RAI1: variants seen among roughly 807,000 people sequenced by gnomAD.
RAI1 encodes the protein retinoic acid induced 1, also known as retinoic acid-induced protein 1.
Under a neutral mutation model 123.8 loss-of-function variants are expected in RAI1, and 9 were observed. The ratio of observed to expected loss-of-function variants is 0.07; its 90% CI spans 0.04 to 0.13. The LOEUF (loss-of-function observed/expected upper bound fraction) is 0.13, where lower values mean the gene tolerates loss of function less well. RAI1 is among the 10% of genes least tolerant of loss of function. The pLI, the probability that RAI1 is intolerant of heterozygous loss-of-function variation, is 1.00. For synonymous variants in RAI1, 1,231 were observed against 1,127.3 expected (o/e 1.09, Z -1.84); for missense variants, 2,256 against 2,545.8 (o/e 0.89, Z 2.45).
intron 1 of RAI1, among the ~76,000 whole-genome samples, chr17:17,715,135 C>T (rs906897328): frequency 2.0e-5 from 3 of 152,228 alleles, no homozygotes; most frequent in South Asian, 2.1e-4. Flanking sequence ...GATGGCTTTC[C>T]TGGCTTAAGG....
intron 4 of RAI1, chr17:17,804,225 CAG>C: frequency 3.0e-6 from 1 of 333,560 alleles, no homozygotes; most frequent in Non-Finnish European, 5.8e-6. Flanking sequence ...GTTCACTCAG[CAG>C]AGACAAGGGG....
intron 2 of RAI1, among the ~76,000 whole-genome samples, chr17:17,733,198 A>G (rs1916323092): frequency 6.6e-6 from 1 of 151,996 alleles, no homozygotes; most frequent in African/African-American, 2.4e-5. Context: ...GCTTTCCCTG[A>G]TCCGAGGCAG....
Position 17,797,939 on chromosome 17 carries a change from T to C in RAI1, c.4991T>C (p.Leu1664Ser). 2.5e-6 allele frequency: 4 copies of C among 1,613,972 alleles called. No homozygotes were observed. Among genetic ancestry groups the C allele is most frequent in the Non-Finnish European group, 3.4e-6 (4 of 1,180,004 alleles). ...GGSILQPRPS[L>S]PLSSTMHLGP... ...TCCATCCTGCAGCCGCGGCCCTCCTTGCCCCTCTCCTCCACGATGCACTTG... is the reference window on the plus strand; with the variant it reads ...TCCATCCTGCAGCCGCGGCCCTCCTCGCCCCTCTCCTCCACGATGCACTTG... The change falls in exon 3 of 6, where the codon TTG (leucine) becomes TCG (serine). Residue 1664 changes from leucine to serine, a missense_variant. Physicochemically the swap from Leu to Ser is moderately radical, Grantham distance 145. Transcript: ENST00000353383.
intron 2 of RAI1, among the ~76,000 whole-genome samples, chr17:17,744,394 A>G (rs1567866466): frequency 6.6e-6 from 1 of 152,200 alleles, no homozygotes; most frequent in East Asian, 1.9e-4. Flanking sequence ...CCCACACAGA[A>G]CTGGTTCACA....
At chr17:17,709,167 C>T (rs770697743) in intron 1 of RAI1, among the ~76,000 whole-genome samples, 5 of 152,150 alleles carry the variant, frequency 3.3e-5, no homozygotes, top group African/African-American at 4.8e-5. Context: ...CCTAGTGTGC[C>T]GGGCACTGTG....
chr17:17,719,884 C>T (rs183542169), intron 1 of RAI1, among the ~76,000 whole-genome samples: 4 of 152,292 alleles, frequency 2.6e-5, no homozygotes, highest in Non-Finnish European at 1.5e-5. Context: ...AGTTGCTGCC[C>T]CACTACTCAA....
At chr17:17,726,345 G>T (rs1354157788) in intron 2 of RAI1, among the ~76,000 whole-genome samples, 2 of 152,196 alleles carry the variant, frequency 1.3e-5, no homozygotes, top group African/African-American at 4.8e-5. Context: ...GTGGGTGTCT[G>T]ACCCATAGGT....
chr17:17,804,840 T>TTTTA (rs575206893), intron 4 of RAI1, among the ~76,000 whole-genome samples: 8,534 of 149,392 alleles, frequency 0.057, 350 homozygotes, highest in African/African-American at 0.11. Flanking sequence ...GTGTTTTTAT[T>TTTTA]TTTATTTATT....
chr17:17,737,656 C>T (rs971726966), intron 2 of RAI1, among the ~76,000 whole-genome samples: 4 of 152,200 alleles, frequency 2.6e-5, no homozygotes, highest in Admixed American at 6.5e-5. Flanking sequence ...TCCAGTCCCC[C>T]GCCCCATATC....
Position 17,811,018 on chromosome 17 carries a change from C to G in RAI1, c.*1037C>G, listed in dbSNP as rs530844746. 6.4e-6 allele frequency: 2 copies of G among 314,824 alleles called. No individual in the cohort carries two copies. The highest frequency in any genetic ancestry group is 1.3e-5 in the Non-Finnish European group (2 of 157,222). The allele number at this position is 314,824 out of a possible 1,614,324, so 19.5% of individuals were successfully genotyped here. A position where few individuals can be genotyped will look rare whatever the true frequency, so the allele number is the denominator to read the frequency against. On this transcript the variant is annotated 3_prime_UTR_variant, in exon 6 of 6. Coordinates refer to ENST00000353383, the MANE Select transcript of RAI1 (RefSeq NM_030665.4). The stretch of plus-strand genomic sequence containing the variant: ...AACAGAGCCCCAACCGGGCCTTTGC[C>G]GGGTAAGGGGCTACCGCGACGCCAC...
At chr17:17,687,672 C>A (rs80035962) in intron 1 of RAI1, among the ~76,000 whole-genome samples, 1,715 of 152,248 alleles carry the variant, frequency 0.011, 37 homozygotes, top group African/African-American at 0.04. Flanking sequence ...TCGGGCAAGT[C>A]ACTTTCCCTC....
At chr17:17,702,709 T>G (rs1915264496) in intron 1 of RAI1, among the ~76,000 whole-genome samples, 2 of 152,204 alleles carry the variant, frequency 1.3e-5, no homozygotes, top group South Asian at 4.1e-4. Flanking sequence ...CACAGGGGTT[T>G]AGCACCTCCC....
At chr17:17,723,119 A>G (rs1430292004) in intron 1 of RAI1, among the ~76,000 whole-genome samples, 3 of 152,220 alleles carry the variant, frequency 2.0e-5, no homozygotes, top group Middle Eastern at 3.4e-3. Context: ...CCCACTCGCA[A>G]ACAGGCCCAC....
chr17:17,759,803 A>C (rs780813470), intron 2 of RAI1, among the ~76,000 whole-genome samples: 4 of 152,206 alleles, frequency 2.6e-5, no homozygotes, highest in Non-Finnish European at 4.4e-5. Flanking sequence ...TGCTGAATGC[A>C]GAGCTGTGAA....
At chr17:17,766,520 G>A (rs906179741) in intron 2 of RAI1, among the ~76,000 whole-genome samples, 12 of 152,238 alleles carry the variant, frequency 7.9e-5, no homozygotes, top group Non-Finnish European at 1.8e-4. Context: ...TCTCTGGGCA[G>A]GAGGTGGCTC....
chr17:17,765,861 T>C (rs2030906744), intron 2 of RAI1: 1 of 152,258 alleles, frequency 6.6e-6, no homozygotes, highest in Non-Finnish European at 1.5e-5. Flanking sequence ...AAGCCAAGCA[T>C]GGGTAATCCT....
intron 4 of RAI1, among the ~76,000 whole-genome samples, chr17:17,807,751 C>T (rs969841503): frequency 9.2e-5 from 14 of 152,228 alleles, no homozygotes; most frequent in African/African-American, 2.7e-4. Context: ...GCTACCCAGG[C>T]GTGCCAGGGG....
chr17:17,758,757 C>T (rs1389788971), intron 2 of RAI1, among the ~76,000 whole-genome samples: 3 of 152,300 alleles, frequency 2.0e-5, no homozygotes, highest in Non-Finnish European at 4.4e-5. Flanking sequence ...GTGAGGATAT[C>T]GCAGAGGGCC....
chr17:17,694,208 C>T (rs918898071), intron 1 of RAI1, among the ~76,000 whole-genome samples: 1 of 152,108 alleles, frequency 6.6e-6, no homozygotes, highest in African/African-American at 2.4e-5. Context: ...GGGAGGCAGC[C>T]GTGCTGAGGG....
Sources: gnomAD v4.1 joint callset for allele counts (sites outside exome capture counted in the v4.1 genomes callset) on GRCh38, gnomAD v4.1.1 for gene constraint, MANE v1.5 for transcripts, NCBI Gene and HGNC (gene_info 2026-07-23, HGNC 2026-07-21) for gene names.